NCKAP1: variants seen among roughly 807,000 people sequenced by gnomAD.
NCKAP1 encodes nck-associated protein 1.
Under a neutral mutation model 151.2 loss-of-function variants are expected in NCKAP1, and 21 were observed. The observed-to-expected ratio is 0.14, with a 90% CI of 0.10 to 0.20. The LOEUF (loss-of-function observed/expected upper bound fraction) is 0.20. Ranked by LOEUF, NCKAP1 falls within the 10% of genes least tolerant of loss-of-function variation. The probability of loss-of-function intolerance (pLI) is 1.00; values close to 1 mark genes in which losing one functional copy is unlikely to be tolerated. For synonymous variants in NCKAP1, 484 were observed against 451.8 expected, an observed-to-expected ratio of 1.07 and a Z score of -0.90; for missense variants, 933 against 1,352.1, an observed-to-expected ratio of 0.69 and a Z score of 4.86.
At chr2:183,005,191 T>C (rs749482229) in intron 2 of NCKAP1, among the ~76,000 whole-genome samples, 7 of 152,214 alleles carry the variant, frequency 4.6e-5, no homozygotes, top group Non-Finnish European at 1.0e-4. Context: ...AGTTTCAAAA[T>C]ACAACAGGTG....
intron 24 of NCKAP1, among the ~76,000 whole-genome samples, chr2:182,935,660 T>A (rs903933814): frequency 1.3e-5 from 2 of 151,770 alleles, no homozygotes; most frequent in African/African-American, 4.8e-5. Context: ...AAATTATATT[T>A]ATAATATAAC....
chr2:182,985,726 C>T (rs891483652), intron 10 of NCKAP1, among the ~76,000 whole-genome samples: 6 of 151,360 alleles, frequency 4.0e-5, no homozygotes, highest in African/African-American at 1.5e-4. Context: ...TTGCTTGAAC[C>T]CGGGAGGTGG....
chr2:183,004,218 C>T (rs1698424363), intron 2 of NCKAP1, among the ~76,000 whole-genome samples: 1 of 150,850 alleles, frequency 6.6e-6, no homozygotes, highest in South Asian at 2.1e-4. Context: ...GTGTTGTAAA[C>T]ACACATTAAA....
chr2:182,955,143 T>C (rs978805398), intron 20 of NCKAP1, among the ~76,000 whole-genome samples: 2 of 152,190 alleles, frequency 1.3e-5, no homozygotes, highest in Admixed American at 1.3e-4. Flanking sequence ...AACTGATAAT[T>C]TAACACTCAA....
At chr2:182,989,338 G>A in intron 8 of NCKAP1, 152 bp from the exon 9 acceptor site, 1 of 516,300 alleles carries the variant, frequency 1.9e-6, no homozygotes, top group Non-Finnish European at 3.3e-6. Flanking sequence ...ATAAACCATG[G>A]TAATACGTTT....
intron 4 of NCKAP1, among the ~76,000 whole-genome samples, chr2:183,002,758 G>A (rs1332153982): frequency 6.6e-6 from 1 of 151,752 alleles, no homozygotes; most frequent in Non-Finnish European, 1.5e-5. Flanking sequence ...AAGTTAACGT[G>A]TATTTCCCAA....
At chr2:182,974,587 G>A (rs1310618330) in intron 15 of NCKAP1, among the ~76,000 whole-genome samples, 1 of 152,104 alleles carries the variant, frequency 6.6e-6, no homozygotes, top group Non-Finnish European at 1.5e-5. Context: ...TTAGAGTAAT[G>A]CAACTACAAG....
In NCKAP1 at chr2:183,038,049, G is replaced by A; in HGVS notation, c.51C>T (p.Leu17=). Residue 17 remains leucine, a synonymous_variant, in exon 1 of 31, where the codon CTC becomes CTT. Coordinates refer to ENST00000361354, the MANE Select transcript of NCKAP1 (RefSeq NM_013436.5). ...QPSQQKLAEK[L]TILNDRGVGM... Reference sequence around the variant, plus strand: ...CGACGCCCCGGTCGTTGAGGATGGTGAGCTTCTCCGCCAGCTTCTGCTGAC... The same window carrying A: ...CGACGCCCCGGTCGTTGAGGATGGTAAGCTTCTCCGCCAGCTTCTGCTGAC... 1.9e-6 allele frequency: 3 copies of A among 1,588,318 alleles called. No individual in the cohort carries two copies. The highest frequency in any genetic ancestry group is 2.6e-6 in the Non-Finnish European group (3 of 1,174,194).
Position 183,003,277 on chromosome 2 carries a change from G to T in NCKAP1, c.268C>A (p.Leu90Met). 1 of 1,597,998 alleles carries T rather than the reference G, an allele frequency of 6.3e-7. No individual in the cohort carries two copies. The highest frequency in any genetic ancestry group is 8.5e-7 in the Non-Finnish European group (1 of 1,172,062). The change falls in exon 3 of 31, where the codon CTG becomes ATG. Residue 90 changes from leucine to methionine, a missense_variant. By Grantham distance (15) the Leu-to-Met change is conservative (BLOSUM62 2). Transcript: ENST00000361354. ...QKEKSEILKN[L>M]ALYYFTFVDV... ...ACAAATGTGAAGTAATATAATGCCAGATTTTTCAGAATCTCTGATTTTTCT... is the reference window on the plus strand; with the variant it reads ...ACAAATGTGAAGTAATATAATGCCATATTTTTCAGAATCTCTGATTTTTCT...
Position 182,930,193 on chromosome 2 carries a change from T to C in NCKAP1, c.2953+502A>G, listed in dbSNP as rs535307086. Among the ~76,000 whole-genome samples the C allele has an allele frequency of 3.9e-4, 60 of 152,136 alleles. 1 individual carries two copies. The highest frequency in any genetic ancestry group is 1.4e-3 in the African/African-American group (59 of 41,562). ...TAGTTATCTCCAAATCCTTTCCTCC[T>C]GTTCTCCCTTAATCTCCCTTACTCA... On this transcript the variant is annotated intron_variant, in intron 27 of 30. Transcript: ENST00000361354.
At chr2:182,957,270 C>A in intron 19 of NCKAP1, 187 bp downstream of exon 19, 1 of 581,410 alleles carries the variant, frequency 1.7e-6, no homozygotes, top group Non-Finnish European at 2.6e-6. Flanking sequence ...CTTCTAAAGG[C>A]CAAAATCTGT....
intron 9 of NCKAP1, 112 bp from the exon 10 acceptor site, chr2:182,986,339 GC>G: frequency 1.2e-6 from 1 of 849,534 alleles, no homozygotes; most frequent in Non-Finnish European, 1.9e-6. Context: ...TCAGAAACTG[GC>G]CATCAAACTG....
rs1696589398 is a variant in NCKAP1 at position 182,923,793 on chromosome 2, T to G, written c.*1909A>C. 6.6e-6 allele frequency: 1 copy of G among 152,158 alleles called. No homozygotes were observed. The highest frequency in any genetic ancestry group is 1.5e-5 in the Non-Finnish European group (1 of 68,024). The allele number at this position is 152,158 out of a possible 1,614,324, so 9.4% of individuals were successfully genotyped here. ...AGTAGTTGTCAATTTACTTTTAACT[T>G]TTTCCTCCAAGTTACCTTTGCCACG... is the stretch of plus-strand genomic sequence containing the variant. On this transcript the variant is annotated 3_prime_UTR_variant, in exon 31 of 31. Transcript: ENST00000361354.
intron 4 of NCKAP1, 78 bp from the exon 5 acceptor site, chr2:183,002,347 T>C: frequency 1.1e-6 from 1 of 952,080 alleles, no homozygotes; most frequent in East Asian, 2.6e-5. Flanking sequence ...TCATAGAAGC[T>C]ATTGAGAGCT....
intron 16 of NCKAP1, 112 bp downstream of exon 16, chr2:182,967,104 A>C: frequency 1.1e-6 from 1 of 949,456 alleles, no homozygotes; most frequent in Non-Finnish European, 1.5e-6. Flanking sequence ...CTTTATTCTT[A>C]AGGATCTATT....
At chr2:183,000,935 A>C in intron 6 of NCKAP1, among the ~76,000 whole-genome samples, 1 of 152,154 alleles carries the variant, frequency 6.6e-6, no homozygotes, top group African/African-American at 2.4e-5. Flanking sequence ...ACTACTAAAA[A>C]TACAAAAAAA....
intron 8 of NCKAP1, among the ~76,000 whole-genome samples, chr2:182,989,743 T>G (rs557789533): frequency 9.2e-5 from 14 of 151,762 alleles, no homozygotes; most frequent in Non-Finnish European, 1.9e-4. Flanking sequence ...TGCTCATGCC[T>G]GTAATCCCAG....
intron 9 of NCKAP1, among the ~76,000 whole-genome samples, chr2:182,988,272 CA>C (rs1249103194): frequency 6.6e-6 from 1 of 152,114 alleles, no homozygotes; most frequent in African/African-American, 2.4e-5. Flanking sequence ...TATTTCATTT[CA>C]ATGTCATTAA....
chr2:182,932,888 A>G (rs1247923927), intron 26 of NCKAP1, among the ~76,000 whole-genome samples: 1 of 152,158 alleles, frequency 6.6e-6, no homozygotes, highest in Non-Finnish European at 1.5e-5. Context: ...ATAGTTTTCA[A>G]TCATAGAATC....
Sources: gnomAD v4.1 joint callset for allele counts (sites outside exome capture counted in the v4.1 genomes callset) on GRCh38, gnomAD v4.1.1 for gene constraint, MANE v1.5 for transcripts, NCBI Gene and HGNC (gene_info 2026-07-23, HGNC 2026-07-21) for gene names.